Variants in MTOR observed in about 807,000 individuals in gnomAD.
The protein encoded by MTOR is serine/threonine-protein kinase mTOR.
A neutral mutation model predicts 319.8 loss-of-function variants in MTOR; 70 were observed. The ratio of observed to expected loss-of-function variants is 0.22; its 90% CI spans 0.18 to 0.27. The LOEUF is 0.27. MTOR is among the 10% of genes least tolerant of loss of function. The probability of loss-of-function intolerance (pLI) is 1.00; values close to 1 mark genes in which losing one functional copy is unlikely to be tolerated. For synonymous variants in MTOR, 1,183 were observed against 1,211.4 expected (o/e 0.98, Z 0.49); for missense variants, 1,890 against 3,274.4 (o/e 0.58, Z 10.32).
At chr1:11,262,056 G>A (rs538120133) in intron 1 of MTOR, among the ~76,000 whole-genome samples, 29 of 152,324 alleles carry the variant, frequency 1.9e-4, no homozygotes, top group Admixed American at 7.2e-4. Context: ...CTGGATCTCT[G>A]AGAGGTGTCC....
chr1:11,241,193 C>T (rs540617814), intron 10 of MTOR, among the ~76,000 whole-genome samples: 107 of 151,792 alleles, frequency 7.0e-4, no homozygotes, highest in Middle Eastern at 3.4e-3. Flanking sequence ...TGGTGGCAGG[C>T]GCCTGTAGTC....
chr1:11,111,118 T>TG (rs1329221615), intron 54 of MTOR: 6 of 455,792 alleles, frequency 1.3e-5, no homozygotes, highest in Admixed American at 7.1e-5. Flanking sequence ...TAAGCCAGTA[T>TG]CCCAATTTCT....
intron 29 of MTOR, among the ~76,000 whole-genome samples, chr1:11,158,078 A>G (rs116225889): frequency 6.6e-6 from 1 of 152,090 alleles, no homozygotes; most frequent in South Asian, 2.1e-4. Flanking sequence ...AAAGTTACAG[A>G]CTATGACTCT....
intron 19 of MTOR, among the ~76,000 whole-genome samples, chr1:11,222,279 C>A (rs1646692870): frequency 6.6e-6 from 1 of 151,934 alleles, no homozygotes; most frequent in Non-Finnish European, 1.5e-5. Flanking sequence ...TCACTGCAAG[C>A]TCTACCTCCC....
In MTOR at chr1:11,227,823, G is replaced by A. The variant is rs191845757; in HGVS notation, c.3030+845C>T. ...ATTATCAACGGATGCTAAAATCACC[G>A]GATGGAAGGTAGCTGAGGAACAGGA... On this transcript the variant is annotated intron_variant, in intron 19 of 57. Transcript: ENST00000361445. 7.9e-5 allele frequency among the ~76,000 whole-genome samples: 12 copies of A among 152,200 alleles called. No homozygotes were observed. The South Asian group carries it at 1.2e-3, about 16-fold the overall frequency.
At position 11,234,202 on chromosome 1, in the gene MTOR, C is replaced by T. The variant is rs1484674652; in HGVS notation, c.2272G>A (p.Gly758Arg). The T allele has an allele frequency of 3.1e-6, 5 of 1,614,112 alleles. No individual in the cohort carries two copies. Among genetic ancestry groups the T allele is most frequent in the Non-Finnish European group, 4.2e-6 (5 of 1,180,010 alleles). ...RIKEQSARML[G>R]HLVSNAPRLI... Reference sequence around the variant, plus strand: ...CGGGGGGCATTGGAGACCAGGTGCCCCAGCATGCGGGCACTCTGCTCTTTG... The same window carrying T: ...CGGGGGGCATTGGAGACCAGGTGCCTCAGCATGCGGGCACTCTGCTCTTTG... Residue 758 changes from glycine (G) to arginine (R), a missense_variant, in exon 14 of 58, where the codon GGG (glycine) becomes AGG (arginine). Transcript: ENST00000361445.
Position 11,247,898 on chromosome 1 carries a change from C to T in MTOR, c.1037G>A (p.Gly346Glu), listed in dbSNP as rs1184637287. The part of the protein sequence containing the change: ...YSSHQGLMGF[G>E]TSPSPAKSTL... ...GGACTTAGCTGGACTGGGGGAGGTC[C>T]CAAATCCCATGAGGCCTTGGTGAGA... The change falls in exon 7 of 58, where the codon GGG (glycine) becomes GAG (glutamate). Residue 346 changes from glycine to glutamate, a missense_variant. This residue lies in a region of MTOR where 418 missense variants were observed against 543.1 expected (regional missense o/e 0.77). Transcript: ENST00000361445. 2 of 1,614,168 alleles carry T rather than the reference C, an allele frequency of 1.2e-6. No individual in the cohort carries two copies. Among genetic ancestry groups the T allele is most frequent in the South Asian group, 1.1e-5 (1 of 91,076 alleles).
chr1:11,158,051 G>A (rs929424603), intron 29 of MTOR, among the ~76,000 whole-genome samples: 40 of 152,130 alleles, frequency 2.6e-4, no homozygotes, highest in African/African-American at 9.2e-4. Context: ...CACGTGAGTA[G>A]GAGGTGCTAC....
At position 11,119,757 on chromosome 1, in the gene MTOR, AC is replaced by A. The variant is rs1224915522; in HGVS notation, c.6933+1488del. Among the ~76,000 whole-genome samples, 19 of 151,176 alleles carry A rather than the reference AC, an allele frequency of 1.3e-4. 1 individual carries two copies. In the South Asian group the frequency reaches 2.5e-3, roughly 20 times the overall value. ...TAAGACCTTGTCTCAAAAAAAAAAA[AC>A]AAAACAAAACACACAAACAAACAAA... On this transcript the variant is annotated intron_variant, in intron 49 of 57. Transcript: ENST00000361445.
Position 11,167,431 on chromosome 1 carries a change from G to A in MTOR, c.4329+11C>T, listed in dbSNP as rs776018123. On this transcript the variant is annotated intron_variant, in intron 29 of 57. Coordinates refer to ENST00000361445, the MANE Select transcript of MTOR (RefSeq NM_004958.4). The stretch of plus-strand genomic sequence containing the variant: ...TACCTCCTGCTTTTCCAAAAAGAAT[G>A]AGGTGCTTACCAGCTCTCCAAAGTG... 4 of 1,611,410 alleles carry A rather than the reference G, an allele frequency of 2.5e-6. No homozygotes were observed. The highest frequency in any genetic ancestry group is 1.1e-5 in the South Asian group (1 of 90,988).
At chr1:11,245,034 GCCATTC>G (rs562559340) in intron 8 of MTOR, among the ~76,000 whole-genome samples, 157 of 152,232 alleles carry the variant, frequency 1.0e-3, no homozygotes, top group African/African-American at 3.8e-3. Context: ...CAATAAACAG[GCCATTC>G]CATTCAGCAT....
At chr1:11,136,035 T>G (rs1307200625) in intron 36 of MTOR, among the ~76,000 whole-genome samples, 2 of 152,098 alleles carry the variant, frequency 1.3e-5, no homozygotes, top group Non-Finnish European at 2.9e-5. Flanking sequence ...CTCAGGAGGC[T>G]GAGGCAGGAG....
chr1:11,165,645 A>G (rs919076548), intron 29 of MTOR, among the ~76,000 whole-genome samples: 2 of 152,166 alleles, frequency 1.3e-5, no homozygotes, highest in African/African-American at 4.8e-5. Context: ...GGAAGAATCA[A>G]TATCGTGAAA....
chr1:11,235,670 A>T (rs1647185631), intron 13 of MTOR, among the ~76,000 whole-genome samples: 1 of 152,176 alleles, frequency 6.6e-6, no homozygotes, highest in Non-Finnish European at 1.5e-5. Context: ...ATGGCCTGAT[A>T]GCTTAATATC....
chr1:11,138,250 C>A (rs561626131), intron 36 of MTOR, among the ~76,000 whole-genome samples: 2 of 152,286 alleles, frequency 1.3e-5, no homozygotes, highest in East Asian at 3.9e-4. Context: ...TGGAGGAGGT[C>A]AGGCTTTGAA....
chr1:11,167,437 C>T lies in MTOR; in HGVS notation c.4329+5G>A. On this transcript the variant is annotated splice_donor_5th_base_variant and intron_variant, in intron 29 of 57. Transcript: ENST00000361445. ...CTGCTTTTCCAAAAAGAATGAGGTG[C>T]TTACCAGCTCTCCAAAGTGTTTCAT... 6.2e-7 allele frequency: 1 copy of T among 1,612,754 alleles called. No individual in the cohort carries two copies. Among genetic ancestry groups the T allele is most frequent in the Non-Finnish European group, 8.5e-7 (1 of 1,179,018 alleles).
chr1:11,192,343 T>G lies in MTOR; in HGVS notation c.4253+6915A>C, dbSNP rs1362724604. 1.5e-5 allele frequency: 24 copies of G among 1,613,938 alleles called. No homozygotes were observed. The Admixed American group carries it at 4.0e-4, about 27-fold the overall frequency. On this transcript the variant is annotated intron_variant, in intron 28 of 57. Coordinates refer to ENST00000361445, the MANE Select transcript of MTOR (RefSeq NM_004958.4). ...CTGGAGTGTATAAGCTTCCTCCTGA[T>G]GACTTCCTGGGCAGCCCTGAACTGG...
chr1:11,153,640 A>G (rs922625298), intron 30 of MTOR, among the ~76,000 whole-genome samples: 5 of 152,232 alleles, frequency 3.3e-5, no homozygotes, highest in African/African-American at 1.2e-4. Flanking sequence ...GTGTTGTCCA[A>G]TAGAGCTTTC....
Position 11,202,730 on chromosome 1 carries a change from A to C in MTOR, c.3944+1831T>G, listed in dbSNP as rs141961871. On this transcript the variant is annotated intron_variant, in intron 26 of 57. Coordinates refer to ENST00000361445, the MANE Select transcript of MTOR (RefSeq NM_004958.4). The stretch of plus-strand genomic sequence containing the variant: ...GGAGTTTGAGATCAGCCTGGGCAAC[A>C]TAGTGAGACCTCGTCTCTACAAAAA... Among the ~76,000 whole-genome samples, 921 of 152,200 alleles carry C rather than the reference A, an allele frequency of 6.1e-3. 11 individuals carry two copies. The highest frequency in any genetic ancestry group is 0.021 in the African/African-American group (867 of 41,524).
Sources: allele counts gnomAD v4.1 joint callset (sites outside exome capture counted in the v4.1 genomes callset), GRCh38; gene constraint gnomAD v4.1.1; regional missense constraint gnomAD v4.1.1; transcripts MANE v1.5; gene names NCBI Gene and HGNC (gene_info 2026-07-23, HGNC 2026-07-21).